Variants in LITAF observed in about 807,000 individuals in gnomAD.
LITAF encodes lipopolysaccharide induced TNF factor.
Under a neutral mutation model 14.5 loss-of-function variants are expected in LITAF, and 9 were observed. The observed-to-expected ratio is 0.62, with a 90% CI of 0.37 to 1.08. LITAF has a LOEUF of 1.08. LITAF is among the 50% of genes least tolerant of loss of function. The probability of loss-of-function intolerance (pLI) is 0.01; values close to 1 mark genes in which losing one functional copy is unlikely to be tolerated. For missense variants in LITAF, 206 were observed against 213.4 expected, an observed-to-expected ratio of 0.97 and a Z score of 0.22; for synonymous variants, 98 against 88.2, an observed-to-expected ratio of 1.11 and a Z score of -0.62.
At chr16:11,587,849 G>A (rs1358028391), upstream of LITAF, among the ~76,000 whole-genome samples, 1 of 152,206 alleles carries the variant, frequency 6.6e-6, no homozygotes, top group Non-Finnish European at 1.5e-5. Flanking sequence ...CACAGAGTCA[G>A]GAGATGGGCA....
At position 11,632,612 on chromosome 16, in the gene LITAF, A is replaced by C. The variant is rs371319589; in HGVS notation, c.85+921T>G. 4.1e-4 allele frequency among the ~76,000 whole-genome samples: 63 copies of C among 152,110 alleles called. No homozygotes were observed. Among genetic ancestry groups the C allele is most frequent in the African/African-American group, 1.4e-3 (59 of 41,508 alleles). On this transcript the variant is annotated intron_variant, in intron 3 of 3. Coordinates refer to the LITAF transcript ENST00000574848. This position sits in a 1 kb window ranked among gnomAD's most constrained non-coding sequence, Gnocchi z 4.8. ...CTGGCACGTGGGATCCCTTGGCCCC[A>C]TCTGGAGGAAGCCCCACCGAGCCAG...
intron 1 of LITAF, among the ~76,000 whole-genome samples, chr16:11,559,998 A>T (rs2064335223): frequency 6.6e-6 from 1 of 151,968 alleles, no homozygotes; most frequent in South Asian, 2.1e-4. Flanking sequence ...AAATAAAAAC[A>T]AAATAAATAA....
chr16:11,627,877 CGTG>C (rs2065093508), intron 3 of LITAF, among the ~76,000 whole-genome samples: 1 of 151,746 alleles, frequency 6.6e-6, no homozygotes, highest in Non-Finnish European at 1.5e-5. Context: ...ATTAGCCGGG[CGTG>C]GTACCACACA....
rs1449128606 is a variant in LITAF, at chr16:11,556,554, A to C, written c.177T>G (p.Pro59=). ...TGGGCGCTGGCTGGGTATAATACGA[A>C]GGAGGATTCATGCCCTTCCCATCAG... is the stretch of plus-strand genomic sequence containing the variant. The part of the protein sequence containing the change: ...TGPDGKGMNP[P]SYYTQPAPIP... Residue 59 remains proline, a synonymous_variant, in exon 2 of 4, where the codon CCT becomes CCG. Coordinates refer to ENST00000622633, the MANE Select transcript of LITAF (RefSeq NM_001136472.2). 6.2e-7 allele frequency: 1 copy of C among 1,614,058 alleles called. No individual in the cohort carries two copies. The highest frequency in any genetic ancestry group is 2.2e-5 in the East Asian group (1 of 44,896).
rs7102 is a variant in LITAF, at chr16:11,548,386, T to C, written c.*1251A>G. The C allele has an allele frequency of 0.38, 171,361 of 453,582 alleles. 32,870 individuals are homozygous for C. The highest frequency in any genetic ancestry group is 0.53 in the East Asian group (7,592 of 14,366). 28.1% of individuals were successfully genotyped at this position (453,582 alleles called of 1,614,324 possible). A position where few individuals can be genotyped will look rare whatever the true frequency, so the allele number is the denominator to read the frequency against. ...GTCTCTGAAAACTAAAATCAGACTT[T>C]AGATTCCTCTGAAACAGTTCTGGTT... On this transcript the variant is annotated 3_prime_UTR_variant, in exon 4 of 4. Coordinates refer to ENST00000622633, the MANE Select transcript of LITAF (RefSeq NM_001136472.2).
At chr16:11,610,747 A>C (rs892205575) in intron 3 of LITAF, among the ~76,000 whole-genome samples, 1 of 152,164 alleles carries the variant, frequency 6.6e-6, no homozygotes, top group Non-Finnish European at 1.5e-5. Context: ...CACTCTTCTC[A>C]AGTATGGAGT....
chr16:11,621,764 G>A (rs1046126033), intron 3 of LITAF, among the ~76,000 whole-genome samples: 1 of 151,976 alleles, frequency 6.6e-6, no homozygotes, highest in African/African-American at 2.4e-5. Context: ...TCCCTGCCCC[G>A]ACTCTCTTCC....
chr16:11,635,064 TAAAATAAAATAAAATAAAATAAA>T (rs1386720761), intron 2 of LITAF, among the ~76,000 whole-genome samples: 1 of 149,254 alleles, frequency 6.7e-6, no homozygotes, highest in Non-Finnish European at 1.5e-5. Context: ...TAAAATAAAA[TAAAATAAAATAAAATAAAATAAA>T]ATAAAACTCC....
chr16:11,635,826 T>G (rs934976598), exon 2 of LITAF: 3 of 152,262 alleles, frequency 2.0e-5, no homozygotes, highest in African/African-American at 7.2e-5. Flanking sequence ...TCCCAGTACC[T>G]TTTTGACTCC....
intron 1 of LITAF, among the ~76,000 whole-genome samples, chr16:11,581,793 T>C (rs2064740747): frequency 6.6e-6 from 1 of 152,106 alleles, no homozygotes; most frequent in South Asian, 2.1e-4. Context: ...TCTCCCAAAC[T>C]CTGCCCAGCT....
chr16:11,595,520 G>A (rs2064877661), intron 1 of LITAF, among the ~76,000 whole-genome samples: 1 of 152,196 alleles, frequency 6.6e-6, no homozygotes, highest in Non-Finnish European at 1.5e-5. Flanking sequence ...ATGAGATCAG[G>A]AGATCGAGAC....
intron 3 of LITAF, among the ~76,000 whole-genome samples, chr16:11,614,885 A>G (rs992102076): frequency 2.0e-5 from 3 of 152,246 alleles, no homozygotes; most frequent in African/African-American, 7.2e-5. Flanking sequence ...TCTAGACGGC[A>G]GGCAGTTCTA....
intron 1 of LITAF, among the ~76,000 whole-genome samples, chr16:11,585,479 C>T (rs1047777477): frequency 6.6e-6 from 1 of 152,090 alleles, no homozygotes; most frequent in African/African-American, 2.4e-5. Flanking sequence ...AAGCCAAGTG[C>T]AATATGGGTG....
chr16:11,629,508 C>CG (rs1388896853), intron 3 of LITAF, among the ~76,000 whole-genome samples: 2 of 147,636 alleles, frequency 1.4e-5, no homozygotes, highest in Admixed American at 1.3e-4. Flanking sequence ...GACCTGTCCT[C>CG]GGCCAGTCGG....
chr16:11,552,156 G>A (rs969211308), intron 3 of LITAF, among the ~76,000 whole-genome samples: 1 of 152,158 alleles, frequency 6.6e-6, no homozygotes, highest in Non-Finnish European at 1.5e-5. Context: ...GTGGAGGAAC[G>A]TGCCGGTTGC....
intron 3 of LITAF, among the ~76,000 whole-genome samples, chr16:11,612,715 T>A (rs984754724): frequency 2.0e-5 from 3 of 146,868 alleles, no homozygotes; most frequent in Non-Finnish European, 4.5e-5. Context: ...TCCCCTGACA[T>A]CTCTGTTTGT....
chr16:11,576,351 C>T (rs1237135169), intron 1 of LITAF, among the ~76,000 whole-genome samples: 2 of 151,964 alleles, frequency 1.3e-5, no homozygotes, highest in African/African-American at 2.4e-5. Flanking sequence ...TGCCTGTAGT[C>T]CCAGTTACTC....
At chr16:11,574,484 T>C (rs1348287524) in intron 1 of LITAF, among the ~76,000 whole-genome samples, 1 of 152,198 alleles carries the variant, frequency 6.6e-6, no homozygotes, top group Non-Finnish European at 1.5e-5. Flanking sequence ...CCCTTGCTGG[T>C]CTTTTGTATG....
At chr16:11,566,495 G>A (rs969507702) in intron 1 of LITAF, among the ~76,000 whole-genome samples, 3 of 152,346 alleles carry the variant, frequency 2.0e-5, no homozygotes, top group African/African-American at 7.2e-5. Flanking sequence ...CAGACGTGGT[G>A]GCTCATGCCT....
Sources: allele counts gnomAD v4.1 joint callset (sites outside exome capture counted in the v4.1 genomes callset), GRCh38; gene constraint gnomAD v4.1.1; non-coding constraint Gnocchi (gnomAD v3.1); transcripts MANE v1.5; gene names NCBI Gene and HGNC (gene_info 2026-07-23, HGNC 2026-07-21).